The following UBN2 variants were observed in gnomAD, a reference collection of about 807,000 sequenced individuals.
UBN2 encodes the protein ubinuclein 2, also known as ubinuclein-2.
Under a neutral mutation model 120.2 loss-of-function variants are expected in UBN2, and 35 were observed. The ratio of observed to expected loss-of-function variants is 0.29; its 90% CI spans 0.22 to 0.39. The LOEUF is 0.39. UBN2 is among the 10% of genes least tolerant of loss of function. The probability of loss-of-function intolerance (pLI) is 1.00; values close to 1 mark genes in which losing one functional copy is unlikely to be tolerated. For missense variants in UBN2, 1,693 were observed against 1,663.2 expected (o/e 1.02, Z -0.31); for synonymous variants, 661 against 648.7 (o/e 1.02, Z -0.29).
intron 2 of UBN2, among the ~76,000 whole-genome samples, chr7:139,241,523 T>C (rs1796318795): frequency 6.6e-6 from 1 of 152,208 alleles, no homozygotes. Context: ...AGAGCCCTAG[T>C]AGTTTCATAC....
At chr7:139,280,606 G>C (rs1797578585) in intron 13 of UBN2, among the ~76,000 whole-genome samples, 1 of 151,982 alleles carries the variant, frequency 6.6e-6, no homozygotes, top group African/African-American at 2.4e-5. Context: ...TTTGGTGTTA[G>C]AGCCTCTTTA....
chr7:139,262,709 A>G (rs1229621342), intron 6 of UBN2, among the ~76,000 whole-genome samples: 6 of 145,136 alleles, frequency 4.1e-5, no homozygotes, highest in Non-Finnish European at 7.7e-5. Flanking sequence ...GCAAGACTCC[A>G]TCTCAAAAAA....
chr7:139,236,421 C>T (rs543615569), intron 1 of UBN2, among the ~76,000 whole-genome samples: 1 of 152,340 alleles, frequency 6.6e-6, no homozygotes, highest in Non-Finnish European at 1.5e-5. Context: ...CCGCTACACA[C>T]ACTCAGTGTT....
chr7:139,314,760 C>T, the UBN2 span, among the ~76,000 whole-genome samples: 1 of 151,974 alleles, frequency 6.6e-6, no homozygotes, highest in East Asian at 2.0e-4. Flanking sequence ...GCTGGGATTA[C>T]AGGCGTGAGC....
chr7:139,253,919 CAG>C (rs1285798539), intron 3 of UBN2, among the ~76,000 whole-genome samples: 2 of 152,144 alleles, frequency 1.3e-5, no homozygotes, highest in Non-Finnish European at 2.9e-5. Flanking sequence ...AAGTTGATGA[CAG>C]AACATATAAA....
chr7:139,259,162 T>C (rs1796853966), intron 4 of UBN2, 105 bp from the exon 5 acceptor site: 1 of 1,491,116 alleles, frequency 6.7e-7, no homozygotes, highest in African/African-American at 1.4e-5. Flanking sequence ...ACGATTGTAA[T>C]GCACACTGAC....
intron 1 of UBN2, among the ~76,000 whole-genome samples, chr7:139,236,145 A>G (rs1405098203): frequency 1.3e-5 from 2 of 152,190 alleles, no homozygotes; most frequent in African/African-American, 2.4e-5. Flanking sequence ...AGACTTAAGG[A>G]TGTGATCGCT....
intron 13 of UBN2, among the ~76,000 whole-genome samples, chr7:139,281,281 A>C (rs1797599686): frequency 6.6e-6 from 1 of 152,122 alleles, no homozygotes; most frequent in South Asian, 2.1e-4. Flanking sequence ...TATACTGTTA[A>C]TGTGGTTTTT....
Position 139,300,152 on chromosome 7 carries a change from C to T in UBN2, c.*2316C>T, listed in dbSNP as rs187715164. ...TTTCCCTGTAACATTTTATACTAAC[C>T]AGTAAAAATATCTGAAGGCCCTTGG... On this transcript the variant is annotated 3_prime_UTR_variant, in exon 18 of 18. Coordinates refer to ENST00000473989, the MANE Select transcript of UBN2 (RefSeq NM_173569.4). The T allele has an allele frequency of 6.6e-6, 1 of 152,026 alleles. No individual in the cohort carries two copies. The highest frequency in any genetic ancestry group is 6.6e-5 in the Admixed American group (1 of 15,262). 9.4% of individuals were successfully genotyped at this position (152,026 alleles called of 1,614,324 possible).
chr7:139,233,248 C>G (rs1796076296), intron 1 of UBN2, among the ~76,000 whole-genome samples: 1 of 152,168 alleles, frequency 6.6e-6, no homozygotes, highest in African/African-American at 2.4e-5. Flanking sequence ...TTGGTCACTT[C>G]CACCTAACAT....
chr7:139,247,622 A>G (rs761570534), intron 2 of UBN2, among the ~76,000 whole-genome samples: 4 of 152,192 alleles, frequency 2.6e-5, no homozygotes, highest in Non-Finnish European at 5.9e-5. Context: ...GATTGTACTT[A>G]GTATAGGATC....
Position 139,304,160 on chromosome 7 carries a change from T to C in UBN2, c.*6324T>C, listed in dbSNP as rs1029928702. 6 of 152,222 alleles carry C rather than the reference T, an allele frequency of 3.9e-5. No homozygotes were observed. The highest frequency in any genetic ancestry group is 4.1e-4 in the South Asian group (2 of 4,828). The allele number at this position is 152,222 out of a possible 1,614,324, so 9.4% of individuals were successfully genotyped here. On this transcript the variant is annotated 3_prime_UTR_variant, in exon 18 of 18. Coordinates refer to ENST00000473989, the MANE Select transcript of UBN2 (RefSeq NM_173569.4). Reference sequence around the variant, plus strand: ...ACTGTAGGTGTATCCAGCTCTGCACTGAAGGGGTGAGCACTACACACAGTC... The same window carrying C: ...ACTGTAGGTGTATCCAGCTCTGCACCGAAGGGGTGAGCACTACACACAGTC...
the UBN2 span, among the ~76,000 whole-genome samples, chr7:139,327,261 G>A: frequency 6.6e-6 from 1 of 152,108 alleles, no homozygotes; most frequent in Non-Finnish European, 1.5e-5. Context: ...TCGAGCTCCC[G>A]ACATCAGGTG....
Position 139,303,174 on chromosome 7 carries a change from T to C in UBN2, c.*5338T>C, listed in dbSNP as rs1273362258. 1 of 152,222 alleles carries C rather than the reference T, an allele frequency of 6.6e-6. No individual in the cohort carries two copies. The highest frequency in any genetic ancestry group is 1.5e-5 in the Non-Finnish European group (1 of 68,036). 9.4% of individuals were successfully genotyped at this position (152,222 alleles called of 1,614,324 possible). ...GAAAACATATAATCTATAGCATTCT[T>C]GAGAGATTTTCCATTTGCTTTTTAT... On this transcript the variant is annotated 3_prime_UTR_variant, in exon 18 of 18. Coordinates refer to ENST00000473989, the MANE Select transcript of UBN2 (RefSeq NM_173569.4).
intron 2 of UBN2, 26 bp from the exon 3 acceptor site, chr7:139,251,930 C>T (rs1422696134): frequency 1.3e-6 from 2 of 1,595,464 alleles, no homozygotes; most frequent in Non-Finnish European, 1.7e-6. Context: ...AGTACCAAAT[C>T]AGTCTAATGT....
chr7:139,294,059 G>A lies in UBN2; in HGVS notation c.3994+78G>A, dbSNP rs576059277. On this transcript the variant is annotated intron_variant, in intron 17 of 17. Transcript: ENST00000473989. ...TGGATTATACTTTTCTGAAAACAAT[G>A]TGAATGGAATGACAAAGGTTGGAAA... The A allele has an allele frequency of 2.8e-6, 4 of 1,444,612 alleles. No homozygotes were observed. The African/African-American group carries it at 4.2e-5, about 15-fold the overall frequency. 89.5% of individuals were successfully genotyped at this position (1,444,612 alleles called of 1,614,324 possible).
chr7:139,251,621 A>G (rs1470135206), intron 2 of UBN2, among the ~76,000 whole-genome samples: 1 of 152,224 alleles, frequency 6.6e-6, no homozygotes, highest in Non-Finnish European at 1.5e-5. Context: ...GTTATAGGCT[A>G]CTGAGAAGAT....
intron 3 of UBN2, among the ~76,000 whole-genome samples, chr7:139,255,059 G>C (rs560200865): frequency 1.2e-4 from 18 of 152,276 alleles, no homozygotes; most frequent in South Asian, 2.1e-4. Flanking sequence ...GTATCACACA[G>C]AAGTGTAGTT....
In UBN2 at chr7:139,283,680, A is replaced by G. The variant is rs1288093171; in HGVS notation, c.2775A>G (p.Gln925=). 3.1e-6 allele frequency: 5 copies of G among 1,614,118 alleles called. No individual in the cohort carries two copies. Among genetic ancestry groups the G allele is most frequent in the Non-Finnish European group, 3.4e-6 (4 of 1,180,030 alleles). ...CCCAAGATGCTTCTTCGTTAACACAAGTAACAAAGGTGCACCAGCATTCAG... is the reference window on the plus strand; with the variant it reads ...CCCAAGATGCTTCTTCGTTAACACAGGTAACAAAGGTGCACCAGCATTCAG... ...SEAQDASSLT[Q]VTKVHQHSAV... is the part of the protein sequence containing the mutation. The change falls in exon 15 of 18, where the codon CAA becomes CAG. Residue 925 remains glutamine (Q), a synonymous_variant. Transcript: ENST00000473989.
Sources: gnomAD v4.1 joint callset for allele counts (sites outside exome capture counted in the v4.1 genomes callset) on GRCh38, gnomAD v4.1.1 for gene constraint, MANE v1.5 for transcripts, NCBI Gene and HGNC (gene_info 2026-07-23, HGNC 2026-07-21) for gene names.